PAK2: variants seen among roughly 807,000 people sequenced by gnomAD.
The protein encoded by PAK2 is serine/threonine-protein kinase PAK 2.
Under a neutral mutation model 65.9 loss-of-function variants are expected in PAK2, and 21 were observed. That is an observed-to-expected ratio of 0.32 (90% CI 0.23 to 0.46). The LOEUF (loss-of-function observed/expected upper bound fraction) is 0.46. Among genes scored for constraint, PAK2 ranks in the 20% least tolerant of loss-of-function variants. The pLI, the probability that PAK2 is intolerant of heterozygous loss-of-function variation, is 1.00. For synonymous variants in PAK2, 204 were observed against 219.7 expected (o/e 0.93, Z 0.63); for missense variants, 324 against 642.6 (o/e 0.50, Z 5.36).
intron 1 of PAK2, among the ~76,000 whole-genome samples, chr3:196,752,984 A>T (rs843525): frequency 0.47 from 69,971 of 147,858 alleles, 16,617 homozygotes; most frequent in Non-Finnish European, 0.54. Flanking sequence ...AGAAAAAAAA[A>T]TTTTTTTTTT....
chr3:196,744,657 G>A (rs1032153057), intron 1 of PAK2, among the ~76,000 whole-genome samples: 4 of 151,866 alleles, frequency 2.6e-5, no homozygotes, highest in Admixed American at 6.6e-5. Context: ...TTTGTGTGTC[G>A]GATACTTTTT....
intron 1 of PAK2, among the ~76,000 whole-genome samples, chr3:196,753,209 A>G (rs843526): frequency 0.71 from 107,319 of 151,726 alleles, 38,083 homozygotes; most frequent in Non-Finnish European, 0.72. Context: ...CGCCCGCCTC[A>G]GCCTCCCAAA....
intron 2 of PAK2, among the ~76,000 whole-genome samples, chr3:196,789,427 C>A (rs1714995215): frequency 6.6e-6 from 1 of 151,932 alleles, no homozygotes; most frequent in Non-Finnish European, 1.5e-5. Flanking sequence ...AGGAGTGGTC[C>A]CCAACCTTTT....
chr3:196,789,894 A>C (rs1577723219), intron 2 of PAK2, among the ~76,000 whole-genome samples: 1 of 152,344 alleles, frequency 6.6e-6, no homozygotes, highest in Admixed American at 6.5e-5. Flanking sequence ...TGCGCAGTTC[A>C]CAATAGGGTT....
intron 1 of PAK2, among the ~76,000 whole-genome samples, chr3:196,753,354 C>T (rs1713669554): frequency 6.6e-6 from 1 of 152,036 alleles, no homozygotes; most frequent in African/African-American, 2.4e-5. Flanking sequence ...AGGCAGTCCT[C>T]CCATCTCAGC....
chr3:196,786,099 C>T (rs1267936175), intron 2 of PAK2, among the ~76,000 whole-genome samples: 3 of 152,070 alleles, frequency 2.0e-5, no homozygotes, highest in Non-Finnish European at 2.9e-5. Flanking sequence ...TGCCTTCTCA[C>T]CCTTTCAGTA....
In PAK2 at chr3:196,739,976, AC is replaced by A. The variant is rs1713127680; in HGVS notation, c.-202del. 2 of 149,980 alleles carry A rather than the reference AC, an allele frequency of 1.3e-5. No homozygotes were observed. 9.3% of individuals were successfully genotyped at this position (149,980 alleles called of 1,614,324 possible). On this transcript the variant is annotated 5_prime_UTR_variant, in exon 1 of 15. Transcript: ENST00000327134. ...CCCTCCCCTCCCTGGCGTGCGCAGGACTCCGCCGCCGCTGGGCCTAGCGGTA... is the reference window on the plus strand; with the variant it reads ...CCCTCCCCTCCCTGGCGTGCGCAGGATCCGCCGCCGCTGGGCCTAGCGGTA...
Position 196,786,055 on chromosome 3 carries a change from T to C in PAK2, c.187+3222T>C, listed in dbSNP as rs1054304588. ...CTATACACTAATCCTTTGCCAGTTA[T>C]ATGATGTTAAAGATAGTATTCCAGG... On this transcript the variant is annotated intron_variant, in intron 2 of 14. Transcript: ENST00000327134. Among the ~76,000 whole-genome samples the C allele has an allele frequency of 2.0e-5, 3 of 152,202 alleles. No homozygotes were observed. The South Asian group carries it at 6.2e-4, about 31-fold the overall frequency.
At chr3:196,811,199 C>CTCCCTTCCT (rs781566958) in intron 8 of PAK2, among the ~76,000 whole-genome samples, 1 of 47,880 alleles carries the variant, frequency 2.1e-5, no homozygotes, top group African/African-American at 7.0e-5. Flanking sequence ...GAATTCCTTC[C>CTCCCTTCCT]TCCCTTCCTT....
At position 196,820,656 on chromosome 3, in the gene PAK2, T is replaced by A; in HGVS notation, c.1350+89T>A. 1 of 655,472 alleles carries A rather than the reference T, an allele frequency of 1.5e-6. No homozygotes were observed. Among genetic ancestry groups the A allele is most frequent in the Non-Finnish European group, 2.5e-6 (1 of 394,534 alleles). 40.6% of individuals were successfully genotyped at this position (655,472 alleles called of 1,614,324 possible). A position where few individuals can be genotyped will look rare whatever the true frequency, so the allele number is the denominator to read the frequency against. ...CACGTGCCTGGCACTGTCCAAGAAT[T>A]TAAAGTAGAAGGTTGATAAAACCTA... On this transcript the variant is annotated intron_variant, in intron 13 of 14. Transcript: ENST00000327134. The surrounding 1 kb of genome is among the most constrained non-coding windows in gnomAD (Gnocchi z 4.6).
At chr3:196,767,726 C>T (rs755660046) in intron 1 of PAK2, among the ~76,000 whole-genome samples, 1 of 152,116 alleles carries the variant, frequency 6.6e-6, no homozygotes, top group Non-Finnish European at 1.5e-5. Context: ...GATCTCCTGA[C>T]CTCGTGATCC....
In PAK2 at chr3:196,806,238, A is replaced by G. The variant is rs532313525; in HGVS notation, c.469-341A>G. ...AAATCTGACTGTTTTAAATGTCACC[A>G]GATGTCTCTGACATAACAAAGCCCA... is the stretch of plus-strand genomic sequence containing the variant. On this transcript the variant is annotated intron_variant, in intron 5 of 14. Transcript: ENST00000327134. Among the ~76,000 whole-genome samples, 530 of 152,222 alleles carry G rather than the reference A, an allele frequency of 3.5e-3. 3 individuals are homozygous for G. The highest frequency in any genetic ancestry group is 5.9e-3 in the Non-Finnish European group (403 of 68,022).
intron 3 of PAK2, 85 bp downstream of exon 3, chr3:196,802,112 T>C (rs1715438519): frequency 1.2e-6 from 1 of 815,208 alleles, no homozygotes; most frequent in Non-Finnish European, 2.1e-6. Context: ...GAAATTAACA[T>C]TTCAGGCCAG....
At chr3:196,766,209 T>C (rs1714161792) in intron 1 of PAK2, among the ~76,000 whole-genome samples, 1 of 152,156 alleles carries the variant, frequency 6.6e-6, no homozygotes, top group African/African-American at 2.4e-5. Flanking sequence ...TTTTAAATTT[T>C]TATTTTTATA....
At chr3:196,748,943 C>G (rs1177941722) in intron 1 of PAK2, among the ~76,000 whole-genome samples, 1 of 152,166 alleles carries the variant, frequency 6.6e-6, no homozygotes, top group Non-Finnish European at 1.5e-5. Flanking sequence ...AACCATAACT[C>G]CTCATTCTCC....
At chr3:196,774,532 A>G (rs756535068) in intron 1 of PAK2, among the ~76,000 whole-genome samples, 3 of 152,198 alleles carry the variant, frequency 2.0e-5, no homozygotes, top group Non-Finnish European at 2.9e-5. Flanking sequence ...TAAAAGGAAA[A>G]AGAAAAGCTA....
At chr3:196,757,861 T>C (rs1474449110) in intron 1 of PAK2, among the ~76,000 whole-genome samples, 2 of 152,216 alleles carry the variant, frequency 1.3e-5, no homozygotes, top group Non-Finnish European at 2.9e-5. Flanking sequence ...GGGTGTCATC[T>C]TGAACATACG....
chr3:196,777,046 C>G (rs1354259613), intron 1 of PAK2, among the ~76,000 whole-genome samples: 1 of 152,154 alleles, frequency 6.6e-6, no homozygotes, highest in African/African-American at 2.4e-5. Context: ...TTCTACCACA[C>G]CAGACATGAA....
At chr3:196,768,925 C>G (rs925134738) in intron 1 of PAK2, among the ~76,000 whole-genome samples, 5 of 151,892 alleles carry the variant, frequency 3.3e-5, no homozygotes, top group East Asian at 1.9e-4. Context: ...GCCCAGCCCC[C>G]CAGAGTGCTG....
Sources: allele counts gnomAD v4.1 joint callset (sites outside exome capture counted in the v4.1 genomes callset), GRCh38; gene constraint gnomAD v4.1.1; non-coding constraint Gnocchi (gnomAD v3.1); transcripts MANE v1.5; gene names NCBI Gene and HGNC (gene_info 2026-07-23, HGNC 2026-07-21).